Variants in CCDC120 observed in about 807,000 individuals in gnomAD.
CCDC120 encodes the protein coiled-coil domain containing 120.
A neutral mutation model predicts 37.6 loss-of-function variants in CCDC120; 16 were observed. That is an observed-to-expected ratio of 0.43 (90% CI 0.29 to 0.65). The LOEUF is 0.65. Ranked by LOEUF, CCDC120 falls within the 30% of genes least tolerant of loss-of-function variation. CCDC120 has a pLI of 0.18. For synonymous variants in CCDC120, 309 were observed against 275.4 expected (o/e 1.12, Z -1.21); for missense variants, 650 against 657.4 (o/e 0.99, Z 0.12).
intron 7 of CCDC120, 144 bp downstream of exon 7, chrX:49,065,242 A>G: frequency 1.4e-6 from 1 of 717,155 alleles, no homozygotes; most frequent in Non-Finnish European, 2.1e-6. Context: ...CTCCTTAGCC[A>G]TGCTCCATCT....
intron 10 of CCDC120, 124 bp downstream of exon 10, chrX:49,068,214 A>G: frequency 9.0e-7 from 1 of 1,107,379 alleles, no homozygotes; most frequent in Non-Finnish European, 1.2e-6. Flanking sequence ...AGCTGCTGTG[A>G]TGGCACAGGG....
intron 9 of CCDC120, 133 bp from the exon 10 acceptor site, chrX:49,067,043 A>G (rs782118442): frequency 3.7e-4 from 201 of 549,794 alleles, no homozygotes; most frequent in Non-Finnish European, 5.2e-4. Flanking sequence ...CTTTATACAC[A>G]CAGCTTCCAA....
Position 49,067,474 on chromosome X carries a change from C to T in CCDC120, c.1360C>T (p.Arg454Trp), listed in dbSNP as rs782255200. 20 of 1,173,844 alleles carry T rather than the reference C, an allele frequency of 1.7e-5. No individual in the cohort carries two copies. Among genetic ancestry groups the T allele is most frequent in the South Asian group, 3.9e-5 (2 of 51,020 alleles). ...CACAGCAGGCCCCCCAGACCCTCCC[C>T]GGGCCGCCCGGCCTAGCTCAGCTGC... ...SRTAGPPDPP[R>W]AARPSSAAPA... The change falls in exon 10 of 11, where the codon CGG becomes TGG. Residue 454 changes from arginine to tryptophan, a missense_variant. Physicochemically the swap from Arg to Trp is moderately radical, Grantham distance 101. Coordinates refer to ENST00000603986, the MANE Select transcript of CCDC120 (RefSeq NM_001163321.4).
rs1312625917 is a variant in CCDC120 at position 49,067,194 on chromosome X, T to C, written c.1080T>C (p.Ser360=). Residue 360 remains serine (S), a synonymous_variant, in exon 10 of 11, where the codon TCT becomes TCC. Transcript: ENST00000603986. ...PQLCKPEGLH[S]RQWSGSQDSQ... is the part of the protein sequence containing the mutation. ...ACCCCAGACCTGAAGGCCTTCATTC[T>C]CGTCAGTGGTCCGGCAGCCAGGACT... 5 of 1,208,752 alleles carry C rather than the reference T, an allele frequency of 4.1e-6. No individual in the cohort carries two copies. Among genetic ancestry groups the C allele is most frequent in the Non-Finnish European group, 5.6e-6 (5 of 894,510 alleles).
At chrX:49,056,420 A>G (rs2064830739), upstream of CCDC120, among the ~76,000 whole-genome samples, 1 of 109,710 alleles carries the variant, frequency 9.1e-6, no homozygotes, top group Admixed American at 9.8e-5. Flanking sequence ...CGAGGTCAGG[A>G]GTTCGAGCCC....
Position 49,064,480 on chromosome X carries a change from C to A in CCDC120, c.540C>A (p.Arg180=). 1 of 1,182,894 alleles carries A rather than the reference C, an allele frequency of 8.5e-7. No homozygotes were observed. Among genetic ancestry groups the A allele is most frequent in the Non-Finnish European group, 1.1e-6 (1 of 881,781 alleles). ...APDLSTEQRR[R]RRQVQADALR... is the part of the protein sequence containing the mutation. ...ATCTGAGCACCGAGCAGCGCCGGCG[C>A]CGGCGCCAGGTCCAGGCAGATGCAC... is the stretch of plus-strand genomic sequence containing the variant. The change falls in exon 6 of 11, where the codon CGC becomes CGA. Residue 180 remains arginine, a synonymous_variant. Transcript: ENST00000603986.
At chrX:49,057,260 G>T (rs782122270), upstream of CCDC120, among the ~76,000 whole-genome samples, 11 of 112,302 alleles carry the variant, frequency 9.8e-5, no homozygotes, top group African/African-American at 3.6e-4. Context: ...ATTAATTGTT[G>T]TTAGTAAGAG....
At chrX:49,065,936 G>A in intron 9 of CCDC120, 91 bp downstream of exon 9, 1 of 876,754 alleles carries the variant, frequency 1.1e-6, no homozygotes, top group Non-Finnish European at 1.6e-6. Context: ...ATCAAAAGGT[G>A]GGATGGCTGG....
At chrX:49,061,784 T>G in intron 1 of CCDC120, 175 bp from the exon 2 acceptor site, 1 of 480,499 alleles carries the variant, frequency 2.1e-6, no homozygotes, top group Non-Finnish European at 3.3e-6. Context: ...GGGCCAGTTA[T>G]TTCACCTCTG....
chrX:49,067,498 G>A lies in CCDC120; in HGVS notation c.1384G>A (p.Ala462Thr). The change falls in exon 10 of 11, where the codon GCC becomes ACC. Residue 462 changes from alanine to threonine, a missense_variant. Transcript: ENST00000603986. ...CCGGGCCGCCCGGCCTAGCTCAGCT[G>A]CCCCTGCCTCCCGAGGTGCCCCCCG... ...PPRAARPSSA[A>T]PASRGAPRLP... 8.6e-7 allele frequency: 1 copy of A among 1,167,292 alleles called. No homozygotes were observed.
chrX:49,068,821 T>C lies in CCDC120; in HGVS notation c.*163T>C. On this transcript the variant is annotated 3_prime_UTR_variant, in exon 11 of 11. Coordinates refer to ENST00000603986, the MANE Select transcript of CCDC120 (RefSeq NM_001163321.4). ...CTCCCCGTAGGCCCAGGAAGGTGTCTGACACCCTGCTTCTTCTCTCACACT... is the reference window on the plus strand; with the variant it reads ...CTCCCCGTAGGCCCAGGAAGGTGTCCGACACCCTGCTTCTTCTCTCACACT... 3 of 421,497 alleles carry C rather than the reference T, an allele frequency of 7.1e-6. No homozygotes were observed. Among genetic ancestry groups the C allele is most frequent in the Non-Finnish European group, 1.1e-5 (3 of 280,856 alleles). The allele number at this position is 421,497 out of a possible 1,213,427, so 34.7% of individuals were successfully genotyped here. A position where few individuals can be genotyped will look rare whatever the true frequency, so the allele number is the denominator to read the frequency against.
chrX:49,069,069 A>C lies in CCDC120; in HGVS notation c.*411A>C. 1.7e-5 allele frequency: 2 copies of C among 118,000 alleles called. No individual in the cohort carries two copies. Among genetic ancestry groups the C allele is most frequent in the Non-Finnish European group, 3.6e-5 (2 of 56,114 alleles). 9.7% of individuals were successfully genotyped at this position (118,000 alleles called of 1,213,427 possible). ...TCCATTCAGGAACCCCCTCCATAAA[A>C]TGGACCATATCGGGTCTCAGGGCCA... is the stretch of plus-strand genomic sequence containing the variant. On this transcript the variant is annotated 3_prime_UTR_variant, in exon 11 of 11. Transcript: ENST00000603986.
chrX:49,053,967 C>T (rs1488227207), upstream of CCDC120: 2 of 113,073 alleles, frequency 1.8e-5, no homozygotes, highest in African/African-American at 6.4e-5. Context: ...TGCGCGCGCA[C>T]CCGCGACCTC....
Position 49,063,928 on chromosome X carries a change from G to A in CCDC120, c.356G>A (p.Arg119Gln), listed in dbSNP as rs782556963. ...GGTGAACGGCCCCAGTTGGTCCGCC[G>A]GCGGCCCCCCACAGCCCGCGCCTAC... ...EPGERPQLVRRRPPTARAYPP... is the reference protein window; with the variant it reads ...EPGERPQLVRQRPPTARAYPP... The change falls in exon 5 of 11, where the codon CGG becomes CAG. Residue 119 changes from arginine (R) to glutamine (Q), a missense_variant. Arg to Gln is a conservative substitution (Grantham distance 43). This residue lies in a region of CCDC120 where 576 missense variants were observed against 565.3 expected (regional missense o/e 1.02). Transcript: ENST00000603986. 9.9e-6 allele frequency: 12 copies of A among 1,207,228 alleles called. No homozygotes were observed. In the South Asian group the frequency reaches 1.2e-4, roughly 12 times the overall value.
At position 49,065,503 on chromosome X, in the gene CCDC120, GGCTTGGGACCA is replaced by G; in HGVS notation, c.841_851del (p.Trp281AlafsTer9). On this transcript the variant is annotated frameshift_variant, in exon 8 of 11. Transcript: ENST00000603986. LOFTEE classifies it high-confidence loss of function. ...TGGCCGAGCGCCCCTCACCACCCAA[GGCTTGGGACCA>G]GCTGCGGGCAGTATCTGGGGGGAGC... The G allele has an allele frequency of 8.3e-7, 1 of 1,209,298 alleles. No individual in the cohort carries two copies. Among genetic ancestry groups the G allele is most frequent in the Non-Finnish European group, 1.1e-6 (1 of 894,484 alleles).
At chrX:49,054,110 T>A (rs782035077), upstream of CCDC120, among the ~76,000 whole-genome samples, 40 of 111,690 alleles carry the variant, frequency 3.6e-4, no homozygotes, top group Non-Finnish European at 6.0e-4. Context: ...GGTATGGTCC[T>A]CAACCCCTGT....
Position 49,064,639 on chromosome X carries a change from C to T in CCDC120, c.699C>T (p.Gly233=). 3 of 1,192,317 alleles carry T rather than the reference C, an allele frequency of 2.5e-6. No individual in the cohort carries two copies. Among genetic ancestry groups the T allele is most frequent in the Non-Finnish European group, 3.4e-6 (3 of 884,273 alleles). ...TCACCACCCAGGGAGTCTGCCTGGGCATGCGTCTTGCTCAGCTCAGCCAAG... is the reference window on the plus strand; with the variant it reads ...TCACCACCCAGGGAGTCTGCCTGGGTATGCGTCTTGCTCAGCTCAGCCAAG... ...SVITTQGVCL[G]MRLAQLSQED... is the part of the protein sequence containing the mutation. Residue 233 remains glycine (G), a synonymous_variant, in exon 6 of 11, where the codon GGC becomes GGT. Transcript: ENST00000603986.
Position 49,067,386 on chromosome X carries a change from A to G in CCDC120, c.1272A>G (p.Pro424=). 2.5e-6 allele frequency: 3 copies of G among 1,194,300 alleles called. No homozygotes were observed. In the South Asian group the frequency reaches 5.4e-5, roughly 22 times the overall value. ...APLAPSASGP[P]VCKSSEVLYE... is the part of the protein sequence containing the mutation. ...TGGCTCCCTCTGCCTCTGGCCCCCCAGTCTGCAAGAGCAGTGAGGTGCTGT... is the reference window on the plus strand; with the variant it reads ...TGGCTCCCTCTGCCTCTGGCCCCCCGGTCTGCAAGAGCAGTGAGGTGCTGT... Residue 424 remains proline (P), a synonymous_variant, in exon 10 of 11, where the codon CCA becomes CCG. Coordinates refer to ENST00000603986, the MANE Select transcript of CCDC120 (RefSeq NM_001163321.4).
At chrX:49,057,538 C>T (rs2147789042), upstream of CCDC120, among the ~76,000 whole-genome samples, 1 of 112,622 alleles carries the variant, frequency 8.9e-6, no homozygotes, top group East Asian at 2.8e-4. Context: ...TACCACTGCC[C>T]GCCCCAGGCA....
Sources: gnomAD v4.1 joint callset for allele counts (sites outside exome capture counted in the v4.1 genomes callset) on GRCh38, gnomAD v4.1.1 for gene constraint, gnomAD v4.1.1 regional missense constraint, MANE v1.5 for transcripts, NCBI Gene and HGNC (gene_info 2026-07-23, HGNC 2026-07-21) for gene names.